LMBR1: variants seen among roughly 807,000 people sequenced by gnomAD.
LMBR1 encodes the protein limb development membrane protein 1.
A neutral mutation model predicts 73.9 loss-of-function variants in LMBR1; 52 were observed. The ratio of observed to expected loss-of-function variants is 0.70; its 90% CI spans 0.56 to 0.89. The LOEUF is 0.89. LMBR1 is among the 40% of genes least tolerant of loss of function. LMBR1 has a pLI of 0.00. For missense variants in LMBR1, 539 were observed against 579.8 expected, an observed-to-expected ratio of 0.93 and a Z score of 0.72; for synonymous variants, 215 against 209.4, an observed-to-expected ratio of 1.03 and a Z score of -0.23.
rs1804665056 is a variant in LMBR1 at position 156,679,610 on chromosome 7, T to C, written c.*4468A>G. On this transcript the variant is annotated 3_prime_UTR_variant, in exon 17 of 17. Coordinates refer to ENST00000353442, the MANE Select transcript of LMBR1 (RefSeq NM_022458.4). ...CAAAGGAAAGGAAAGGAGAAGACAT[T>C]ACAACAGCCACAAAACAGTTTTAGT... 1 of 152,178 alleles carries C rather than the reference T, an allele frequency of 6.6e-6. No individual in the cohort carries two copies. Among genetic ancestry groups the C allele is most frequent in the Non-Finnish European group, 1.5e-5 (1 of 68,052 alleles). 9.4% of individuals were successfully genotyped at this position (152,178 alleles called of 1,614,324 possible). A position where few individuals can be genotyped will look rare whatever the true frequency, so the allele number is the denominator to read the frequency against.
intron 1 of LMBR1, among the ~76,000 whole-genome samples, chr7:156,848,930 CAAA>C (rs4019953): frequency 3.6e-5 from 4 of 111,658 alleles, no homozygotes; most frequent in Non-Finnish European, 5.6e-5. Context: ...GACTCTGTCT[CAAA>C]AAAAAAAAAA....
At chr7:156,865,046 G>C (rs1335852798) in intron 1 of LMBR1, among the ~76,000 whole-genome samples, 1 of 150,612 alleles carries the variant, frequency 6.6e-6, no homozygotes, top group Non-Finnish European at 1.5e-5. Context: ...AGTGGCTCAT[G>C]CTGTAAAACC....
chr7:156,676,236 T>C (rs1031148134), downstream of LMBR1: 3 of 1,490,668 alleles, frequency 2.0e-6, no homozygotes, highest in East Asian at 5.0e-5. Context: ...TAACAGAGTA[T>C]ATGTGTGTGT....
Position 156,734,259 on chromosome 7 carries a change from T to TG in LMBR1, c.758-3dup. On this transcript the variant is annotated splice_polypyrimidine_tract_variant and splice_region_variant and intron_variant, in intron 9 of 16. Transcript: ENST00000353442. ...TGTATTCCACCGATGAAGACAGCCC[T>TG]GTTCAAAGCAAAAAATATTTAGAAG... The TG allele has an allele frequency of 6.3e-7, 1 of 1,589,406 alleles. No homozygotes were observed.
intron 4 of LMBR1, among the ~76,000 whole-genome samples, chr7:156,810,143 T>C (rs1832837811): frequency 6.6e-6 from 1 of 152,118 alleles, no homozygotes; most frequent in African/African-American, 2.4e-5. Context: ...CAACAGCTGC[T>C]GTGAGGAGGG....
downstream of LMBR1, chr7:156,675,893 C>A: frequency 6.2e-7 from 1 of 1,602,424 alleles, no homozygotes; most frequent in Non-Finnish European, 8.5e-7. Context: ...TGGCAACCAG[C>A]AGACTCAGCT....
Position 156,697,839 on chromosome 7 carries a change from A to C in LMBR1, c.1226-9648T>G, listed in dbSNP as rs554881548. On this transcript the variant is annotated intron_variant, in intron 15 of 16. Coordinates refer to ENST00000353442, the MANE Select transcript of LMBR1 (RefSeq NM_022458.4). ...TCACAGTGGTCCTGAGGTGACATAC[A>C]TCGTCTGCTTATGAAGACAACAGGA... Among the ~76,000 whole-genome samples, 358 of 152,368 alleles carry C rather than the reference A, an allele frequency of 2.3e-3. 1 individual carries two copies. Among genetic ancestry groups the C allele is most frequent in the Non-Finnish European group, 3.3e-3 (223 of 68,042 alleles).
intron 3 of LMBR1, among the ~76,000 whole-genome samples, chr7:156,832,556 T>C (rs1836870336): frequency 6.6e-6 from 1 of 152,240 alleles, no homozygotes; most frequent in South Asian, 2.1e-4. Context: ...ATGTGGCCTT[T>C]TGTGTCTGGC....
At chr7:156,832,119 T>C (rs1213607574) in intron 3 of LMBR1, among the ~76,000 whole-genome samples, 1 of 152,230 alleles carries the variant, frequency 6.6e-6, no homozygotes, top group Non-Finnish European at 1.5e-5. Context: ...GTTTTGGGCC[T>C]AGGTTTTAAA....
At position 156,725,493 on chromosome 7, in the gene LMBR1, T is replaced by C. The variant is rs1486392589; in HGVS notation, c.1100A>G (p.Tyr367Cys). The C allele has an allele frequency of 6.2e-6, 10 of 1,610,254 alleles. No homozygotes were observed. The highest frequency in any genetic ancestry group is 1.7e-5 in the Admixed American group (1 of 59,584). ...AAAGTTTCCAAAAAATCGAAGGCTA[T>C]AGAAGCCGACAACAGAGGACACCAT... ...YLMVSSVVGF[Y>C]SLRFFGNFTP... The change falls in exon 14 of 17, where the codon TAT becomes TGT. Residue 367 changes from tyrosine (Y) to cysteine (C), a missense_variant. Coordinates refer to ENST00000353442, the MANE Select transcript of LMBR1 (RefSeq NM_022458.4).
At chr7:156,792,296 A>G (rs1377643153) in intron 5 of LMBR1, among the ~76,000 whole-genome samples, 3 of 152,226 alleles carry the variant, frequency 2.0e-5, no homozygotes. Flanking sequence ...AAAACAAAAC[A>G]AAAATCACCA....
rs973770472 is a variant in LMBR1 at position 156,688,298 on chromosome 7, C to T, written c.1226-107G>A. ...TCGAATTCTATGGACTTTCTCACTT[C>T]TGTGACGTGAGATGCTCTAATGAAT... On this transcript the variant is annotated intron_variant, in intron 15 of 16. Transcript: ENST00000353442. 7 of 729,016 alleles carry T rather than the reference C, an allele frequency of 9.6e-6. No individual in the cohort carries two copies. In the African/African-American group the frequency reaches 1.3e-4, roughly 13 times the overall value. 45.2% of individuals were successfully genotyped at this position (729,016 alleles called of 1,614,324 possible).
At chr7:156,823,600 T>C (rs1222692857) in intron 4 of LMBR1, 1 of 152,074 alleles carries the variant, frequency 6.6e-6, no homozygotes, top group Admixed American at 6.6e-5. Flanking sequence ...AAAATGCAGG[T>C]AGCAAGTCAC....
intron 5 of LMBR1, among the ~76,000 whole-genome samples, chr7:156,779,963 C>A (rs779618714): frequency 7.9e-5 from 12 of 152,080 alleles, no homozygotes; most frequent in Non-Finnish European, 2.9e-5. Context: ...TAATAAAGAA[C>A]AGAAAATAAA....
In LMBR1 at chr7:156,826,671, T is replaced by C. The variant is rs1835749681; in HGVS notation, c.253A>G (p.Asn85Asp). ...TGAGGAAAAGAAAGCAGGATTTCAT[T>C]GCTGATGATTGAGAAGGGTAAAAGC... ...VLLLPFSIIS[N>D]EILLSFPQNY... The change falls in exon 4 of 17, where the codon AAT becomes GAT. Residue 85 changes from asparagine (N) to aspartate (D), a missense_variant. Asn to Asp is a conservative substitution (Grantham distance 23, BLOSUM62 1). Coordinates refer to ENST00000353442, the MANE Select transcript of LMBR1 (RefSeq NM_022458.4). 1 of 1,609,152 alleles carries C rather than the reference T, an allele frequency of 6.2e-7. No individual in the cohort carries two copies. Among genetic ancestry groups the C allele is most frequent in the African/African-American group, 1.3e-5 (1 of 74,912 alleles).
intron 1 of LMBR1, among the ~76,000 whole-genome samples, chr7:156,887,306 T>C (rs1802075788): frequency 6.6e-6 from 1 of 151,784 alleles, no homozygotes; most frequent in South Asian, 2.1e-4. Flanking sequence ...CTACTAAAAG[T>C]ACAGAAATTA....
At chr7:156,713,231 TGAGA>T (rs146382877) in intron 15 of LMBR1, among the ~76,000 whole-genome samples, 1 of 147,212 alleles carries the variant, frequency 6.8e-6, no homozygotes, top group African/African-American at 2.5e-5. Flanking sequence ...CTGCCGGGGG[TGAGA>T]GAGAGAGAGA....
intron 1 of LMBR1, among the ~76,000 whole-genome samples, chr7:156,867,996 C>T (rs1428265278): frequency 6.6e-6 from 1 of 151,874 alleles, no homozygotes; most frequent in African/African-American, 2.4e-5. Context: ...CCTGTAATCC[C>T]AGGACTTTTA....
chr7:156,826,896 T>A, intron 3 of LMBR1, 152 bp from the exon 4 acceptor site: 1 of 678,652 alleles, frequency 1.5e-6, no homozygotes. Context: ...ACAAATGATA[T>A]ACATATGGGC....
Sources: gnomAD v4.1 joint callset for allele counts (sites outside exome capture counted in the v4.1 genomes callset) on GRCh38, gnomAD v4.1.1 for gene constraint, MANE v1.5 for transcripts, NCBI Gene and HGNC (gene_info 2026-07-23, HGNC 2026-07-21) for gene names.